FAT3: variants seen among roughly 807,000 people sequenced by gnomAD.
The protein encoded by FAT3 is FAT atypical cadherin 3.
Under a neutral mutation model 310.2 loss-of-function variants are expected in FAT3, and 95 were observed. That is an observed-to-expected ratio of 0.31 (90% CI 0.26 to 0.36). FAT3 has a LOEUF of 0.36. FAT3 is among the 10% of genes least tolerant of loss of function. FAT3 has a pLI of 1.00. For synonymous variants in FAT3, 2,314 were observed against 2,192.9 expected (o/e 1.06, Z -1.54); for missense variants, 5,408 against 5,715.6 (o/e 0.95, Z 1.74).
At chr11:92,576,991 T>C (rs529776170) in intron 3 of FAT3, among the ~76,000 whole-genome samples, 16 of 149,704 alleles carry the variant, frequency 1.1e-4, no homozygotes, top group African/African-American at 3.7e-4. Context: ...ATTTGAATCA[T>C]AGACTATTAT....
At chr11:92,781,766 A>G (rs1946759908) in intron 7 of FAT3, among the ~76,000 whole-genome samples, 1 of 152,236 alleles carries the variant, frequency 6.6e-6, no homozygotes, top group African/African-American at 2.4e-5. Flanking sequence ...AAATTTTAAG[A>G]TGAAATACGC....
At chr11:92,855,139 G>A (rs1247007518) in intron 19 of FAT3, among the ~76,000 whole-genome samples, 6 of 152,222 alleles carry the variant, frequency 3.9e-5, no homozygotes, top group African/African-American at 4.8e-5. Flanking sequence ...CTAGCTAGAC[G>A]TGTGCAGGCT....
At position 92,801,033 on chromosome 11, in the gene FAT3, C is replaced by G. The variant is rs974657946; in HGVS notation, c.8020C>G (p.Leu2674Val). The change falls in exon 10 of 28, where the codon CTT becomes GTT. Residue 2674 changes from leucine to valine, a missense_variant. Leu to Val is a conservative substitution (Grantham distance 32). Transcript: ENST00000525166. Reference sequence around the variant, plus strand: ...TTTTAACCAGCTGAAAAATACAGTGCTTTCGTTCTTTGTCAAAGCAGTAGA... The same window carrying G: ...TTTTAACCAGCTGAAAAATACAGTGGTTTCGTTCTTTGTCAAAGCAGTAGA... ...GNFNQLKNTV[L>V]SFFVKAVDGG... is the part of the protein sequence containing the mutation. The G allele has an allele frequency of 1.9e-6, 3 of 1,613,694 alleles. No homozygotes were observed. Among genetic ancestry groups the G allele is most frequent in the Non-Finnish European group, 2.5e-6 (3 of 1,179,840 alleles).
At chr11:92,680,673 A>G (rs1943456713) in intron 3 of FAT3, among the ~76,000 whole-genome samples, 1 of 152,232 alleles carries the variant, frequency 6.6e-6, no homozygotes, top group African/African-American at 2.4e-5. Context: ...AGGGAAGGGC[A>G]AGGACCACAT....
intron 1 of FAT3, among the ~76,000 whole-genome samples, chr11:92,260,751 G>A (rs1820224916): frequency 6.6e-6 from 1 of 152,068 alleles, no homozygotes; most frequent in African/African-American, 2.4e-5. Flanking sequence ...ACCATCTTAG[G>A]TTGTACCTGA....
At chr11:92,626,583 G>C (rs911362921) in intron 3 of FAT3, among the ~76,000 whole-genome samples, 1 of 152,034 alleles carries the variant, frequency 6.6e-6, no homozygotes, top group Non-Finnish European at 1.5e-5. Flanking sequence ...TTTTCGGGGG[G>C]CACTTATTGT....
At position 92,883,149 on chromosome 11, in the gene FAT3, C is replaced by T. The variant is rs541888682; in HGVS notation, c.12693C>T (p.Pro4231=). 16 of 1,613,540 alleles carry T rather than the reference C, an allele frequency of 9.9e-6. 1 individual carries two copies. The African/African-American group carries it at 1.2e-4, about 12-fold the overall frequency. The change falls in exon 24 of 28, where the codon CCC becomes CCT. Residue 4231 remains proline (P), a synonymous_variant. Coordinates refer to ENST00000525166, the MANE Select transcript of FAT3 (RefSeq NM_001367949.2). This position sits in a 1 kb window ranked among gnomAD's most constrained non-coding sequence, Gnocchi z 4.2. ...AGGAGGTGGGGCCCCCGCAGGTCCC[C>T]GTGCGCCCCATGGCCTACACACCCT... The part of the protein sequence containing the change: ...VYQEVGPPQV[P]VRPMAYTPCF...
intron 2 of FAT3, among the ~76,000 whole-genome samples, chr11:92,372,426 A>AT (rs1478398545): frequency 6.6e-6 from 1 of 151,788 alleles, no homozygotes; most frequent in Non-Finnish European, 1.5e-5. Flanking sequence ...CTTTGGAAAG[A>AT]TTTTTTAAAT....
chr11:92,496,579 A>G (rs551247737), intron 2 of FAT3, among the ~76,000 whole-genome samples: 14 of 151,862 alleles, frequency 9.2e-5, no homozygotes, highest in Non-Finnish European at 1.8e-4. Flanking sequence ...CCTATCTGGG[A>G]TGGGGTTGCT....
intron 12 of FAT3, among the ~76,000 whole-genome samples, chr11:92,809,228 C>T (rs552208038): frequency 5.9e-5 from 9 of 152,284 alleles, no homozygotes; most frequent in Admixed American, 3.3e-4. Flanking sequence ...AAGTTTTCTC[C>T]GACTTGACTC....
intron 4 of FAT3, among the ~76,000 whole-genome samples, chr11:92,747,680 G>A (rs1046070921): frequency 1.5e-4 from 23 of 152,252 alleles, no homozygotes; most frequent in African/African-American, 5.3e-4. Context: ...CCTCTGGAAT[G>A]TTTTGCTGCT....
chr11:92,353,068 A>G lies in FAT3; in HGVS notation c.956A>G (p.Lys319Arg). The G allele has an allele frequency of 6.2e-7, 1 of 1,613,730 alleles. No individual in the cohort carries two copies. The highest frequency in any genetic ancestry group is 1.1e-5 in the South Asian group (1 of 91,084). Reference sequence around the variant, plus strand: ...CAGTTCTTCCTGGCTAAGGAAGGAAAGTGGTTGAATGAGTACAAGATTAAG... The same window carrying G: ...CAGTTCTTCCTGGCTAAGGAAGGAAGGTGGTTGAATGAGTACAAGATTAAG... ...LDQFFLAKEG[K>R]WLNEYKIKER... The change falls in exon 2 of 28, where the codon AAG becomes AGG. Residue 319 changes from lysine (K) to arginine (R), a missense_variant. Around this residue, in one of 5 missense-constraint regions of FAT3, gnomAD observed 4,588 missense variants for 4,809.8 expected, o/e 0.95. Coordinates refer to ENST00000525166, the MANE Select transcript of FAT3 (RefSeq NM_001367949.2).
intron 4 of FAT3, among the ~76,000 whole-genome samples, chr11:92,752,885 G>A (rs1330465479): frequency 6.6e-6 from 1 of 152,092 alleles, no homozygotes; most frequent in Non-Finnish European, 1.5e-5. Context: ...TGGTATATGG[G>A]AAAACATCTT....
At chr11:92,745,360 A>C (rs568978225) in intron 4 of FAT3, among the ~76,000 whole-genome samples, 2 of 152,198 alleles carry the variant, frequency 1.3e-5, no homozygotes. Flanking sequence ...TTAACGGCCC[A>C]CATGTGAGCA....
chr11:92,313,460 A>G (rs994812621), intron 1 of FAT3, among the ~76,000 whole-genome samples: 5 of 152,254 alleles, frequency 3.3e-5, no homozygotes, highest in African/African-American at 1.2e-4. Context: ...TTTAACACAT[A>G]TAAAACTGTG....
Position 92,421,682 on chromosome 11 carries a change from G to C in FAT3, c.3292+66278G>C, listed in dbSNP as rs80336449. On this transcript the variant is annotated intron_variant, in intron 2 of 27. Transcript: ENST00000525166. ...TTTTGCTTTTTATTGAGAGACAATCGACCTCAAAACATTGAAGATTTGTTT... is the reference window on the plus strand; with the variant it reads ...TTTTGCTTTTTATTGAGAGACAATCCACCTCAAAACATTGAAGATTTGTTT... Among the ~76,000 whole-genome samples the C allele has an allele frequency of 2.0e-3, 307 of 152,200 alleles. 1 individual carries two copies. Among genetic ancestry groups the C allele is most frequent in the African/African-American group, 7.1e-3 (295 of 41,528 alleles).
chr11:92,862,636 A>G (rs12275134), intron 21 of FAT3, among the ~76,000 whole-genome samples: 10,901 of 152,280 alleles, frequency 0.072, 1,316 homozygotes, highest in African/African-American at 0.25. Flanking sequence ...GCATGGCCAG[A>G]TCTTTCCAAT....
chr11:92,335,249 C>G (rs1591125576), intron 1 of FAT3, among the ~76,000 whole-genome samples: 2 of 150,806 alleles, frequency 1.3e-5, no homozygotes, highest in African/African-American at 4.9e-5. Context: ...CCCCACCTAT[C>G]TTTCCCTCCT....
chr11:92,805,813 C>G (rs776818692), intron 11 of FAT3, among the ~76,000 whole-genome samples: 3 of 152,130 alleles, frequency 2.0e-5, no homozygotes, highest in Non-Finnish European at 4.4e-5. Flanking sequence ...AATGCCATTG[C>G]AAGGTACAAG....
Sources: allele counts gnomAD v4.1 joint callset (sites outside exome capture counted in the v4.1 genomes callset), GRCh38; gene constraint gnomAD v4.1.1; regional missense constraint gnomAD v4.1.1; non-coding constraint Gnocchi (gnomAD v3.1); transcripts MANE v1.5; gene names NCBI Gene and HGNC (gene_info 2026-07-23, HGNC 2026-07-21).